Variants in TOP2B observed in about 807,000 individuals in gnomAD.
TOP2B encodes the protein DNA topoisomerase 2-beta.
Under a neutral mutation model 193.5 loss-of-function variants are expected in TOP2B, and 51 were observed. The ratio of observed to expected loss-of-function variants is 0.26; its 90% confidence interval spans 0.21 to 0.33. The LOEUF is 0.33. TOP2B is among the 10% of genes least tolerant of loss of function. The pLI, the probability that TOP2B is intolerant of heterozygous loss-of-function variation, is 1.00. For synonymous variants in TOP2B, 634 were observed against 635.7 expected (o/e 1.00, Z 0.04); for missense variants, 1,378 against 1,909.3 (o/e 0.72, Z 5.19).
intron 25 of TOP2B, chr3:25,618,056 T>G (rs371945186): frequency 6.5e-5 from 13 of 199,124 alleles, no homozygotes; most frequent in African/African-American, 3.0e-4. Context: ...CATAGGCTGA[T>G]TCTGGGTGCA....
intron 4 of TOP2B, among the ~76,000 whole-genome samples, chr3:25,640,901 C>A (rs1703242040): frequency 6.6e-6 from 1 of 151,866 alleles, no homozygotes; most frequent in Admixed American, 6.6e-5. Context: ...GGACTACAAG[C>A]ACATGCCGCC....
intron 27 of TOP2B, among the ~76,000 whole-genome samples, chr3:25,613,787 T>TA (rs528598032): frequency 6.6e-6 from 1 of 151,950 alleles, no homozygotes; most frequent in African/African-American, 2.4e-5. Flanking sequence ...GCTAGGCATT[T>TA]AAAAAATCCT....
At chr3:25,633,710 A>G in intron 8 of TOP2B, 131 bp downstream of exon 8, 5 of 673,708 alleles carry the variant, frequency 7.4e-6, no homozygotes, top group Middle Eastern at 4.6e-4. Context: ...TTTTGTTTTC[A>G]TAAGTCAATT....
Position 25,624,773 on chromosome 3 carries a change from A to T in TOP2B, c.2255T>A (p.Phe752Tyr). ...TTTATCATTCCTCTTGAAACAGGTA[A>T]ATAAAACTTTCCGCTGGCCAGGTTT... ...GFKPGQRKVL[F>Y]TCFKRNDKRE... The change falls in exon 19 of 36, where the codon TTT becomes TAT. Residue 752 changes from phenylalanine to tyrosine, a missense_variant. By Grantham distance (22) the Phe-to-Tyr change is conservative (BLOSUM62 3). This residue lies in a region of TOP2B where 379 missense variants were observed against 615.1 expected (regional missense o/e 0.62). Transcript: ENST00000264331. The T allele has an allele frequency of 1.2e-6, 2 of 1,613,574 alleles. No homozygotes were observed. Among genetic ancestry groups the T allele is most frequent in the Non-Finnish European group, 1.7e-6 (2 of 1,179,680 alleles).
intron 28 of TOP2B, among the ~76,000 whole-genome samples, 200 bp from the exon 29 acceptor site, chr3:25,609,912 A>C (rs1473757562): frequency 1.3e-5 from 2 of 152,178 alleles, no homozygotes; most frequent in African/African-American, 4.8e-5. Context: ...TGTAACTCTT[A>C]ATTTTCCAGT....
At chr3:25,607,046 T>C (rs1327483917) in intron 31 of TOP2B, 125 bp downstream of exon 31, 15 of 1,352,432 alleles carry the variant, frequency 1.1e-5, no homozygotes, top group African/African-American at 1.5e-5. Context: ...ATTAACAAGA[T>C]TGATTCCTTC....
chr3:25,605,004 C>A, intron 32 of TOP2B, 134 bp from the exon 33 acceptor site: 1 of 627,820 alleles, frequency 1.6e-6, no homozygotes, highest in Non-Finnish European at 2.8e-6. Context: ...CCAAATAATC[C>A]ACAATATACA....
chr3:25,623,765 A>G lies in TOP2B; in HGVS notation c.2496-19T>C. On this transcript the variant is annotated intron_variant, in intron 20 of 35. Coordinates refer to ENST00000264331, the MANE Select transcript of TOP2B (RefSeq NM_001330700.2). ...TAAAGTGCTAATGAAAACAAAAAGA[A>G]GCAAATGAAAAAATGTCATGGCTTT... 1.3e-6 allele frequency: 2 copies of G among 1,528,486 alleles called. No individual in the cohort carries two copies. Among genetic ancestry groups the G allele is most frequent in the South Asian group, 2.3e-5 (2 of 85,222 alleles). 94.7% of individuals were successfully genotyped at this position (1,528,486 alleles called of 1,614,324 possible).
At chr3:25,654,847 G>C (rs1703699763) in intron 1 of TOP2B, among the ~76,000 whole-genome samples, 1 of 152,142 alleles carries the variant, frequency 6.6e-6, no homozygotes, top group African/African-American at 2.4e-5. Flanking sequence ...AAATGGTGCT[G>C]GGAAAACTGG....
rs78665096 is a variant in TOP2B at position 25,609,432 on chromosome 3, T to C, written c.3932-88A>G. 3.4e-3 allele frequency: 4,929 copies of C among 1,463,964 alleles called. 142 individuals carry two copies. The African/African-American group carries it at 0.059, about 17-fold the overall frequency. The allele number at this position is 1,463,964 out of a possible 1,614,324, so 90.7% of individuals were successfully genotyped here. On this transcript the variant is annotated intron_variant, in intron 29 of 35. Coordinates refer to ENST00000264331, the MANE Select transcript of TOP2B (RefSeq NM_001330700.2). ...TAAAATTGTTATAATGAAAAGTTCA[T>C]TACAAAATAAACGTTTATGAAAATT...
chr3:25,607,570 A>G (rs555064025), intron 30 of TOP2B, among the ~76,000 whole-genome samples, 195 bp from the exon 31 acceptor site: 1 of 152,324 alleles, frequency 6.6e-6, no homozygotes, highest in South Asian at 2.1e-4. Context: ...TCTGTCTTAC[A>G]CTTTCCAGGA....
chr3:25,637,101 G>GAA (rs56202408), intron 6 of TOP2B, 114 bp downstream of exon 6: 1,135 of 706,186 alleles, frequency 1.6e-3, no homozygotes, highest in South Asian at 2.1e-3. Flanking sequence ...TAATGCTTTG[G>GAA]AAAAAAAAAA....
At chr3:25,640,129 T>C (rs1379311893) in intron 4 of TOP2B, among the ~76,000 whole-genome samples, 1 of 152,186 alleles carries the variant, frequency 6.6e-6, no homozygotes, top group Non-Finnish European at 1.5e-5. Context: ...AAATTGCACC[T>C]CTGAAATAAC....
chr3:25,645,432 C>G lies in TOP2B; in HGVS notation c.108G>C (p.Glu36Asp). The change falls in exon 2 of 36, where the codon GAG (glutamate) becomes GAC (aspartate). Residue 36 changes from glutamate to aspartate, a missense_variant. Physicochemically the swap from Glu to Asp is conservative, Grantham distance 45 (BLOSUM62 2). Transcript: ENST00000264331. ...AATCATTTTTGTTGGCAGTTTCTGA[C>G]TCTTCTTTTTTTGCAGCATTGTTCT... ...FDQNNAAKKE[E>D]SETANKNDSS... 1 of 1,613,514 alleles carries G rather than the reference C, an allele frequency of 6.2e-7. No homozygotes were observed. Among genetic ancestry groups the G allele is most frequent in the Non-Finnish European group, 8.5e-7 (1 of 1,179,746 alleles).
At chr3:25,613,254 T>C (rs754618828) in intron 27 of TOP2B, among the ~76,000 whole-genome samples, 4 of 152,214 alleles carry the variant, frequency 2.6e-5, no homozygotes, top group Non-Finnish European at 4.4e-5. Flanking sequence ...TATCCTAGAT[T>C]TTGCATTTAC....
intron 10 of TOP2B, among the ~76,000 whole-genome samples, chr3:25,631,832 CT>C (rs1702968038): frequency 6.6e-6 from 1 of 151,948 alleles, no homozygotes; most frequent in South Asian, 2.1e-4. Flanking sequence ...TAAAAAACAA[CT>C]TTTGTTTTTG....
At chr3:25,608,908 T>C (rs925946107) in intron 30 of TOP2B, among the ~76,000 whole-genome samples, 1 of 152,168 alleles carries the variant, frequency 6.6e-6, no homozygotes, top group Non-Finnish European at 1.5e-5. Context: ...GCTGGTATTG[T>C]GGCAAGGTAC....
intron 10 of TOP2B, among the ~76,000 whole-genome samples, chr3:25,631,447 T>C (rs1285476661): frequency 6.6e-6 from 1 of 152,078 alleles, no homozygotes; most frequent in African/African-American, 2.4e-5. Flanking sequence ...CAACATTACA[T>C]ATTGTTTGTA....
intron 15 of TOP2B, 112 bp from the exon 16 acceptor site, chr3:25,627,408 ATAC>A: frequency 1.7e-6 from 1 of 572,832 alleles, no homozygotes; most frequent in Non-Finnish European, 3.1e-6. Flanking sequence ...GGCAACACCT[ATAC>A]TAAGTGATCA....
Sources: allele counts gnomAD v4.1 joint callset (sites outside exome capture counted in the v4.1 genomes callset), GRCh38; gene constraint gnomAD v4.1.1; regional missense constraint gnomAD v4.1.1; transcripts MANE v1.5; gene names NCBI Gene and HGNC (gene_info 2026-07-23, HGNC 2026-07-21).